The following NELL1 variants were observed in gnomAD, a reference collection of about 807,000 sequenced individuals.
NELL1 encodes the protein neural EGFL like 1.
Under a neutral mutation model 107.4 loss-of-function variants are expected in NELL1, and 76 were observed. That is an observed-to-expected ratio of 0.71 (90% CI 0.59 to 0.86). NELL1 has a LOEUF of 0.86. Ranked by LOEUF, NELL1 falls within the 40% of genes least tolerant of loss-of-function variation. The pLI is 0.00. For synonymous variants in NELL1, 353 were observed against 341.2 expected (o/e 1.03, Z -0.38); for missense variants, 1,024 against 1,005.5 (o/e 1.02, Z -0.25).
chr11:20,741,920 C>T (rs376582598), intron 2 of NELL1, among the ~76,000 whole-genome samples: 7 of 152,172 alleles, frequency 4.6e-5, no homozygotes, highest in East Asian at 3.9e-4. Context: ...ATGAACCTTT[C>T]GGGGATCTTG....
intron 14 of NELL1, among the ~76,000 whole-genome samples, chr11:21,317,406 G>T (rs1205658269): frequency 4.3e-3 from 2 of 460 alleles, no homozygotes; most frequent in African/African-American, 7.7e-3. Context: ...CATCAAGGTG[G>T]GATTATTAGT....
intron 13 of NELL1, among the ~76,000 whole-genome samples, chr11:21,161,562 G>A (rs1014281633): frequency 3.9e-5 from 6 of 151,936 alleles, no homozygotes; most frequent in African/African-American, 1.4e-4. Flanking sequence ...AAATAGAACT[G>A]CTGCCATCTC....
chr11:21,128,371 G>A (rs565545853), intron 13 of NELL1, among the ~76,000 whole-genome samples: 5 of 152,090 alleles, frequency 3.3e-5, no homozygotes, highest in Non-Finnish European at 5.9e-5. Context: ...CCCTTTTGGC[G>A]TTTATTTTCC....
At chr11:20,815,569 C>A (rs150175442) in intron 3 of NELL1, among the ~76,000 whole-genome samples, 68 of 152,236 alleles carry the variant, frequency 4.5e-4, no homozygotes, top group African/African-American at 1.6e-3. Context: ...TTGTTAGATA[C>A]ATAGTTTGCA....
Position 20,928,486 on chromosome 11 carries a change from A to C in NELL1, c.997+7A>C. 1 of 1,608,080 alleles carries C rather than the reference A, an allele frequency of 6.2e-7. No individual in the cohort carries two copies. Among genetic ancestry groups the C allele is most frequent in the East Asian group, 2.2e-5 (1 of 44,840 alleles). On this transcript the variant is annotated splice_region_variant and intron_variant, in intron 9 of 19. Coordinates refer to ENST00000357134, the MANE Select transcript of NELL1 (RefSeq NM_006157.5). ...TGCTGTAAGGTCTGCCGACGTAAGT[A>C]CTGACTGAGGGTCAGACTGGCTGTC...
chr11:21,496,699 C>T (rs1002768398), intron 15 of NELL1, among the ~76,000 whole-genome samples: 7 of 152,154 alleles, frequency 4.6e-5, no homozygotes, highest in South Asian at 2.1e-4. Flanking sequence ...TGAGCCACAG[C>T]GCCCAGCCTG....
intron 2 of NELL1, among the ~76,000 whole-genome samples, chr11:20,697,259 G>A (rs1188626683): frequency 6.6e-6 from 1 of 152,102 alleles, no homozygotes; most frequent in Admixed American, 6.6e-5. Flanking sequence ...ACTCAGAGGA[G>A]ATCTGAGAGT....
At chr11:21,358,570 T>G (rs932058502) in intron 14 of NELL1, among the ~76,000 whole-genome samples, 4 of 147,028 alleles carry the variant, frequency 2.7e-5, no homozygotes, top group African/African-American at 5.0e-5. Flanking sequence ...TGATAATTTT[T>G]TTTTTTTTTT....
intron 14 of NELL1, among the ~76,000 whole-genome samples, chr11:21,351,544 T>C: frequency 6.6e-6 from 1 of 152,124 alleles, no homozygotes; most frequent in African/African-American, 2.4e-5. Flanking sequence ...AAAGAAACTT[T>C]TTAAATTTCT....
rs760905679 is a variant in NELL1, at chr11:20,918,225, A to G, written c.647A>G (p.Tyr216Cys). The change falls in exon 6 of 20, where the codon TAT (tyrosine) becomes TGT (cysteine). Residue 216 changes from tyrosine (Y) to cysteine (C), a missense_variant. By Grantham distance (194) the Tyr-to-Cys change is radical (BLOSUM62 -2). Coordinates refer to ENST00000357134, the MANE Select transcript of NELL1 (RefSeq NM_006157.5). ...AAGATCATCTTTATGCCGAATGGAT[A>G]TATAACACAGTGTCCAAATCTAAAT... ...DGKIIFMPNG[Y>C]ITQCPNLNHT... 4 of 1,596,850 alleles carry G rather than the reference A, an allele frequency of 2.5e-6. No homozygotes were observed. The highest frequency in any genetic ancestry group is 3.4e-6 in the Non-Finnish European group (4 of 1,165,088).
chr11:20,825,494 C>A (rs1034633839), intron 3 of NELL1, among the ~76,000 whole-genome samples: 1 of 151,492 alleles, frequency 6.6e-6, no homozygotes, highest in South Asian at 2.1e-4. Flanking sequence ...ATCTGTGTGA[C>A]CTGGATGTGA....
intron 14 of NELL1, among the ~76,000 whole-genome samples, chr11:21,258,536 G>A (rs1281631010): frequency 6.6e-6 from 1 of 151,904 alleles, no homozygotes. Context: ...GTACTAGTTT[G>A]AAGAAAGGCA....
chr11:21,534,265 A>C (rs1018676349), intron 15 of NELL1, 109 bp from the exon 16 acceptor site: 23 of 1,263,266 alleles, frequency 1.8e-5, no homozygotes, highest in Admixed American at 3.5e-5. Flanking sequence ...GTAGGTGACT[A>C]AACAGTTTTA....
intron 14 of NELL1, among the ~76,000 whole-genome samples, chr11:21,313,920 C>A (rs1258981506): frequency 6.7e-6 from 1 of 149,358 alleles, no homozygotes; most frequent in African/African-American, 2.5e-5. Flanking sequence ...GCACCATCCA[C>A]TTTGTGCTGT....
At chr11:20,962,471 T>C (rs1001200281) in intron 12 of NELL1, among the ~76,000 whole-genome samples, 1 of 152,234 alleles carries the variant, frequency 6.6e-6, no homozygotes, top group South Asian at 2.1e-4. Flanking sequence ...CTGGCAGACC[T>C]TTTAGTTGTT....
chr11:21,337,801 T>TTGCTTTCC (rs1565175439), intron 14 of NELL1, among the ~76,000 whole-genome samples: 4 of 86,204 alleles, frequency 4.6e-5, no homozygotes, highest in African/African-American at 1.3e-4. Context: ...TCTTTCCTTC[T>TTGCTTTCC]TTCTTTCTTG....
chr11:21,541,397 A>C (rs555736363), intron 16 of NELL1, among the ~76,000 whole-genome samples: 2 of 152,098 alleles, frequency 1.3e-5, no homozygotes, highest in Non-Finnish European at 2.9e-5. Flanking sequence ...AACAACCAAA[A>C]ATGTTCCGCT....
At chr11:21,053,237 A>G (rs1030904371) in intron 12 of NELL1, among the ~76,000 whole-genome samples, 2 of 152,120 alleles carry the variant, frequency 1.3e-5, no homozygotes, top group African/African-American at 4.8e-5. Flanking sequence ...TGTCATCTAC[A>G]TTAGGTATTT....
chr11:20,983,791 A>G (rs994533454), intron 12 of NELL1, among the ~76,000 whole-genome samples: 2 of 152,094 alleles, frequency 1.3e-5, no homozygotes, highest in African/African-American at 4.8e-5. Context: ...ATCTTTCACA[A>G]TGCAAAACTG....
Sources: gnomAD v4.1 joint callset for allele counts (sites outside exome capture counted in the v4.1 genomes callset) on GRCh38, gnomAD v4.1.1 for gene constraint, MANE v1.5 for transcripts, NCBI Gene and HGNC (gene_info 2026-07-23, HGNC 2026-07-21) for gene names.